FAM185A: variants seen among roughly 807,000 people sequenced by gnomAD.
FAM185A encodes the protein family with sequence similarity 185 member A, also known as protein FAM185A.
In FAM185A, 21 loss-of-function variants were observed where a neutral mutation model predicts 45.7. That is an observed-to-expected ratio of 0.46 (90% confidence interval 0.33 to 0.66). The LOEUF (loss-of-function observed/expected upper bound fraction) is 0.66, where lower values mean the gene tolerates loss of function less well. FAM185A is among the 30% of genes least tolerant of loss of function. The probability of loss-of-function intolerance (pLI) is 0.03; values close to 1 mark genes in which losing one functional copy is unlikely to be tolerated. For synonymous variants in FAM185A, 117 were observed against 194.0 expected (o/e 0.60, Z 3.30); for missense variants, 305 against 485.4 (o/e 0.63, Z 3.49).
chr7:102,818,552 A>G, the FAM185A span, among the ~76,000 whole-genome samples: 1 of 152,170 alleles, frequency 6.6e-6, no homozygotes, highest in Admixed American at 6.5e-5. Flanking sequence ...GCTAGAGAGG[A>G]GAACTCTGAT....
At chr7:102,825,763 G>T in the FAM185A span, among the ~76,000 whole-genome samples, 3 of 152,180 alleles carry the variant, frequency 2.0e-5, no homozygotes, top group Non-Finnish European at 4.4e-5. Flanking sequence ...AAATAATAAT[G>T]TTTTAACTTG....
At chr7:102,825,789 T>C in the FAM185A span, among the ~76,000 whole-genome samples, 1 of 152,234 alleles carries the variant, frequency 6.6e-6, no homozygotes. Context: ...CTTTCTTATG[T>C]TGGATCTTTT....
intron 7 of FAM185A, among the ~76,000 whole-genome samples, chr7:102,788,112 G>A (rs923138371): frequency 6.6e-6 from 1 of 152,040 alleles, no homozygotes; most frequent in African/African-American, 2.4e-5. Context: ...CTACAGGCAT[G>A]CACCACCATG....
chr7:102,837,050 C>T, the FAM185A span, among the ~76,000 whole-genome samples: 9 of 152,180 alleles, frequency 5.9e-5, no homozygotes, highest in Non-Finnish European at 1.3e-4. Context: ...TAAAATGCAA[C>T]TTCCACAATT....
At chr7:102,784,567 A>C (rs1401604498) in intron 6 of FAM185A, among the ~76,000 whole-genome samples, 1 of 152,168 alleles carries the variant, frequency 6.6e-6, no homozygotes, top group Non-Finnish European at 1.5e-5. Context: ...ATATAAACAG[A>C]ACCAACGACA....
chr7:102,800,492 A>T (rs1264606924), intron 7 of FAM185A, among the ~76,000 whole-genome samples: 1 of 152,216 alleles, frequency 6.6e-6, no homozygotes, highest in East Asian at 1.9e-4. Context: ...CGAAATCCAA[A>T]AAATGGTACA....
chr7:102,749,576 C>T lies in FAM185A; in HGVS notation c.369C>T (p.Asp123=), dbSNP rs1562837949. 1 of 1,526,110 alleles carries T rather than the reference C, an allele frequency of 6.6e-7. No individual in the cohort carries two copies. The highest frequency in any genetic ancestry group is 2.1e-5 in the Admixed American group (1 of 48,744). The allele number at this position is 1,526,110 out of a possible 1,614,324, so 94.5% of individuals were successfully genotyped here. Residue 123 remains aspartate, a synonymous_variant, in exon 1 of 8, where the codon GAC becomes GAT. Coordinates refer to ENST00000413034, the MANE Select transcript of FAM185A (RefSeq NM_001145268.2). ...RGLDGLQVKY[D]EDLEEMAIVS... is the part of the protein sequence containing the mutation. ...TGGACGGCCTGCAGGTGAAGTACGA[C>T]GAGGATCTGGAGGAGATGGCCATTG...
chr7:102,789,539 A>G (rs1796024763), intron 7 of FAM185A, among the ~76,000 whole-genome samples: 2 of 152,100 alleles, frequency 1.3e-5, no homozygotes, highest in African/African-American at 4.8e-5. Context: ...TGAAACCCCC[A>G]TTTCTACTAA....
intron 4 of FAM185A, among the ~76,000 whole-genome samples, chr7:102,764,993 C>G (rs1284358607): frequency 1.3e-5 from 2 of 152,240 alleles, no homozygotes; most frequent in Non-Finnish European, 2.9e-5. Context: ...CTAAATTGGC[C>G]AGCCCCTTTT....
At chr7:102,786,093 C>T (rs1224041248) in intron 6 of FAM185A, among the ~76,000 whole-genome samples, 1 of 152,160 alleles carries the variant, frequency 6.6e-6, no homozygotes, top group African/African-American at 2.4e-5. Context: ...CTCATCATCA[C>T]TGGCCATCAG....
the FAM185A span, among the ~76,000 whole-genome samples, chr7:102,817,563 A>G: frequency 6.6e-6 from 1 of 152,128 alleles, no homozygotes; most frequent in Non-Finnish European, 1.5e-5. Context: ...CTCTGTTGAT[A>G]GTTTCTTTTG....
chr7:102,827,145 T>G, the FAM185A span: 1 of 455,220 alleles, frequency 2.2e-6, no homozygotes, highest in East Asian at 7.0e-5. Context: ...GCCTTGCAGC[T>G]TCTACCTTTA....
chr7:102,829,979 A>G, the FAM185A span, among the ~76,000 whole-genome samples: 1 of 152,166 alleles, frequency 6.6e-6, no homozygotes, highest in Non-Finnish European at 1.5e-5. Context: ...CCACAGTCTG[A>G]CCAGAACAAT....
intron 7 of FAM185A, among the ~76,000 whole-genome samples, chr7:102,799,027 C>T (rs1257604624): frequency 2.6e-5 from 4 of 152,200 alleles, no homozygotes; most frequent in South Asian, 2.1e-4. Flanking sequence ...GGATTACAGG[C>T]GTGAGCCACC....
chr7:102,794,677 A>G lies in FAM185A; in HGVS notation c.1066+7208A>G, dbSNP rs550581973. 5.6e-3 allele frequency among the ~76,000 whole-genome samples: 856 copies of G among 152,356 alleles called. 9 individuals carry two copies. Among genetic ancestry groups the G allele is most frequent in the African/African-American group, 0.019 (797 of 41,594 alleles). ...TATTCCTGGGCATTTATCCTGGGGA[A>G]ATGTAACTTATGTTCACACAAAAAC... On this transcript the variant is annotated intron_variant, in intron 7 of 7. Transcript: ENST00000413034.
chr7:102,808,777 G>T lies in FAM185A; in HGVS notation c.*375G>T. 5.5e-6 allele frequency: 1 copy of T among 182,996 alleles called. No homozygotes were observed. The highest frequency in any genetic ancestry group is 5.6e-5 in the Admixed American group (1 of 17,782). 11.3% of individuals were successfully genotyped at this position (182,996 alleles called of 1,614,324 possible). ...TGGGAAAATCCAGTTCCTTGTGACT[G>T]GATGACTGAGGTCTCCATTTTCTTG... On this transcript the variant is annotated 3_prime_UTR_variant, in exon 8 of 8. Coordinates refer to ENST00000413034, the MANE Select transcript of FAM185A (RefSeq NM_001145268.2).
chr7:102,842,123 G>A, the FAM185A span, among the ~76,000 whole-genome samples: 1 of 152,178 alleles, frequency 6.6e-6, no homozygotes, highest in South Asian at 2.1e-4. Flanking sequence ...ATGGTCAAGA[G>A]ACAAAAGATC....
At chr7:102,847,639 G>C in the FAM185A span, among the ~76,000 whole-genome samples, 1 of 151,848 alleles carries the variant, frequency 6.6e-6, no homozygotes, top group African/African-American at 2.4e-5. Context: ...TGATTCTCCT[G>C]TCTCAGCCTC....
chr7:102,816,952 G>T, the FAM185A span, among the ~76,000 whole-genome samples: 2 of 152,200 alleles, frequency 1.3e-5, no homozygotes, highest in African/African-American at 4.8e-5. Flanking sequence ...TATTTTTTAT[G>T]ACTGTGTAGC....
Sources: gnomAD v4.1 joint callset for allele counts (sites outside exome capture counted in the v4.1 genomes callset) on GRCh38, gnomAD v4.1.1 for gene constraint, MANE v1.5 for transcripts, NCBI Gene and HGNC (gene_info 2026-07-23, HGNC 2026-07-21) for gene names.